SLC6A4: variants seen among roughly 807,000 people sequenced by gnomAD.
SLC6A4 encodes the protein solute carrier family 6 member 4, also known as sodium-dependent serotonin transporter.
In SLC6A4, 22 loss-of-function variants were observed where a neutral mutation model predicts 73.4. The observed-to-expected ratio is 0.30, with a 90% CI of 0.21 to 0.43. SLC6A4 has a LOEUF of 0.43. Ranked by LOEUF, SLC6A4 falls within the 20% of genes least tolerant of loss-of-function variation. SLC6A4 has a pLI of 1.00. For synonymous variants in SLC6A4, 270 were observed against 315.5 expected, an observed-to-expected ratio of 0.86 and a Z score of 1.53; for missense variants, 593 against 808.5, an observed-to-expected ratio of 0.73 and a Z score of 3.23.
chr17:30,216,496 C>G (rs1269651472), intron 6 of SLC6A4, among the ~76,000 whole-genome samples: 2 of 151,924 alleles, frequency 1.3e-5, no homozygotes, highest in African/African-American at 4.8e-5. Flanking sequence ...TAGCAGGAAA[C>G]AATAGCACTG....
intron 1 of SLC6A4, among the ~76,000 whole-genome samples, chr17:30,226,878 A>AAAAAAAAAAAAG (rs754839808): frequency 8.3e-5 from 10 of 120,574 alleles, no homozygotes; most frequent in African/African-American, 1.6e-4. Flanking sequence ...GTCTCAAAAA[A>AAAAAAAAAAAAG]AAAAGAAAAA....
intron 1 of SLC6A4, among the ~76,000 whole-genome samples, chr17:30,231,317 A>G (rs923771491): frequency 2.6e-5 from 4 of 150,996 alleles, no homozygotes; most frequent in Non-Finnish European, 5.9e-5. Context: ...ATACCTACAG[A>G]TATATATATA....
chr17:30,220,726 C>G (rs965079454), intron 3 of SLC6A4, among the ~76,000 whole-genome samples: 3 of 152,190 alleles, frequency 2.0e-5, no homozygotes, highest in African/African-American at 7.2e-5. Context: ...CTCGTGGACT[C>G]TTCCCAGCAG....
intron 1 of SLC6A4, among the ~76,000 whole-genome samples, chr17:30,230,773 G>A (rs1031915071): frequency 1.3e-5 from 2 of 152,156 alleles, no homozygotes; most frequent in Admixed American, 6.5e-5. Context: ...TGGAGGAGAC[G>A]GGTGCATCCA....
intron 1 of SLC6A4, among the ~76,000 whole-genome samples, chr17:30,234,382 C>A (rs1907206532): frequency 2.0e-5 from 3 of 152,250 alleles, no homozygotes; most frequent in African/African-American, 7.2e-5. Context: ...AAAACCCATG[C>A]CCCAAGTGGC....
chr17:30,208,675 T>C (rs1055794859), intron 12 of SLC6A4, among the ~76,000 whole-genome samples: 1 of 152,134 alleles, frequency 6.6e-6, no homozygotes, highest in African/African-American at 2.4e-5. Context: ...AAAAGTGGTT[T>C]ATTTTTGTTT....
chr17:30,208,369 T>C (rs1475153069), intron 12 of SLC6A4, among the ~76,000 whole-genome samples: 1 of 152,160 alleles, frequency 6.6e-6, no homozygotes, highest in Non-Finnish European at 1.5e-5. Flanking sequence ...ATATGCCAGA[T>C]CAAGATCAAG....
chr17:30,212,950 C>T, intron 8 of SLC6A4, 83 bp from the exon 9 acceptor site: 2 of 1,474,632 alleles, frequency 1.4e-6, no homozygotes, highest in Non-Finnish European at 1.9e-6. Context: ...GCCTGCCCTG[C>T]CTTAGACAGG....
chr17:30,213,958 G>C (rs1160219181), intron 8 of SLC6A4, among the ~76,000 whole-genome samples: 2 of 151,964 alleles, frequency 1.3e-5, no homozygotes, highest in African/African-American at 2.4e-5. Context: ...TGTTGCCCAG[G>C]CTGGACTCAA....
chr17:30,223,010 G>T (rs1567822145), intron 1 of SLC6A4, 95 bp from the exon 2 acceptor site: 16 of 417,850 alleles, frequency 3.8e-5, no homozygotes, highest in Non-Finnish European at 4.7e-5. Context: ...GGGCTGCTGT[G>T]CCTTCATTTC....
rs1249278564 is a variant in SLC6A4 at position 30,235,003 on chromosome 17, C to T, written c.-221+610G>A. On this transcript the variant is annotated intron_variant, in intron 1 of 14. Coordinates refer to ENST00000650711, the MANE Select transcript of SLC6A4 (RefSeq NM_001045.6). The surrounding 1 kb of genome is among the most constrained non-coding windows in gnomAD (Gnocchi z 4.5). ...AAATGATGGTTATATCCTTCAACCA[C>T]GTAGCACAGTCGTTGGAGTTGGAGT... Among the ~76,000 whole-genome samples, 1 of 152,160 alleles carries T rather than the reference C, an allele frequency of 6.6e-6. No homozygotes were observed. The highest frequency in any genetic ancestry group is 2.1e-4 in the South Asian group (1 of 4,828).
At chr17:30,230,122 A>AGGAGGAGGAGGAG (rs1567824238) in intron 1 of SLC6A4, among the ~76,000 whole-genome samples, 3 of 123,660 alleles carry the variant, frequency 2.4e-5, no homozygotes, top group African/African-American at 9.3e-5. Context: ...AGGAAGAGGA[A>AGGAGGAGGAGGAG]GAGGAGGAGG....
intron 8 of SLC6A4, among the ~76,000 whole-genome samples, chr17:30,213,465 G>T (rs772352594): frequency 8.6e-5 from 13 of 151,928 alleles, no homozygotes; most frequent in Non-Finnish European, 1.6e-4. Flanking sequence ...ACCACGCCTG[G>T]CTAATTTTTG....
At position 30,230,137 on chromosome 17, in the gene SLC6A4, G is replaced by A. The variant is rs899110251; in HGVS notation, c.-221+5476C>T. Among the ~76,000 whole-genome samples, 344 of 150,286 alleles carry A rather than the reference G, an allele frequency of 2.3e-3. 2 individuals carry two copies. The highest frequency in any genetic ancestry group is 8.1e-3 in the African/African-American group (323 of 39,952). On this transcript the variant is annotated intron_variant, in intron 1 of 14. Transcript: ENST00000650711. ...AGGAAGAGGAAGAGGAGGAGGAGGA[G>A]GAGGAGGAGGAGGAAGAGGAAGAGG...
intron 8 of SLC6A4, among the ~76,000 whole-genome samples, chr17:30,213,292 AT>A (rs979386720): frequency 1.5e-5 from 2 of 134,062 alleles, no homozygotes; most frequent in South Asian, 4.7e-4. Context: ...AGATACCCTC[AT>A]TTTTTTTTCT....
In SLC6A4 at chr17:30,215,253, G is replaced by A. The variant is rs114562275; in HGVS notation, c.1076+358C>T. Among the ~76,000 whole-genome samples the A allele has an allele frequency of 4.3e-3, 662 of 152,268 alleles. 8 individuals carry two copies. The highest frequency in any genetic ancestry group is 0.015 in the African/African-American group (629 of 41,556). ...AGACAGGGTTTCGCCATGTTGGCCA[G>A]GTTAGCCTGGAACTCCTGACCTCAG... On this transcript the variant is annotated intron_variant, in intron 8 of 14. Coordinates refer to ENST00000650711, the MANE Select transcript of SLC6A4 (RefSeq NM_001045.6).
intron 13 of SLC6A4, chr17:30,206,177 AT>A (rs1906187583): frequency 2.0e-5 from 3 of 150,626 alleles, no homozygotes; most frequent in African/African-American, 7.3e-5. Flanking sequence ...GATAGCCCAT[AT>A]ACTCCTAATA....
chr17:30,221,121 C>T (rs557380886), intron 3 of SLC6A4, among the ~76,000 whole-genome samples: 84 of 151,774 alleles, frequency 5.5e-4, no homozygotes, highest in Non-Finnish European at 7.5e-4. Context: ...GGACTACAGG[C>T]GCCCACCACC....
At chr17:30,213,005 G>C in intron 8 of SLC6A4, 138 bp from the exon 9 acceptor site, 1 of 881,334 alleles carries the variant, frequency 1.1e-6, no homozygotes. Flanking sequence ...GGAACCTCAA[G>C]CCTGTCCCGG....
Sources: allele counts gnomAD v4.1 joint callset (sites outside exome capture counted in the v4.1 genomes callset), GRCh38; gene constraint gnomAD v4.1.1; non-coding constraint Gnocchi (gnomAD v3.1); transcripts MANE v1.5; gene names NCBI Gene and HGNC (gene_info 2026-07-23, HGNC 2026-07-21).